Variants in RBFOX3 observed in about 807,000 individuals in gnomAD.
The protein encoded by RBFOX3 is RNA binding fox-1 homolog 3.
Under a neutral mutation model 48.7 loss-of-function variants are expected in RBFOX3, and 17 were observed. That is an observed-to-expected ratio of 0.35 (90% CI 0.24 to 0.52). The LOEUF (loss-of-function observed/expected upper bound fraction) is 0.52. RBFOX3 is among the 20% of genes least tolerant of loss of function. The probability of loss-of-function intolerance (pLI) is 0.94; values close to 1 mark genes in which losing one functional copy is unlikely to be tolerated. For missense variants in RBFOX3, 382 were observed against 497.5 expected (o/e 0.77, Z 2.21); for synonymous variants, 212 against 209.5 (o/e 1.01, Z -0.10).
chr17:79,599,198 C>T (rs911251171), intron 1 of RBFOX3: 1 of 152,328 alleles, frequency 6.6e-6, no homozygotes, highest in East Asian at 1.9e-4. Flanking sequence ...GCTACCCCTG[C>T]GAACATACTA....
At chr17:79,373,624 C>T (rs116545433) in intron 2 of RBFOX3, among the ~76,000 whole-genome samples, 2,405 of 150,096 alleles carry the variant, frequency 0.016, 20 homozygotes, top group Non-Finnish European at 0.022. Context: ...GGTTTTACAG[C>T]CCACACTGGA....
At chr17:79,394,400 G>A (rs1475029340) in intron 2 of RBFOX3, among the ~76,000 whole-genome samples, 1 of 152,200 alleles carries the variant, frequency 6.6e-6, no homozygotes, top group Non-Finnish European at 1.5e-5. Flanking sequence ...GGTCTCCAGG[G>A]CCCTCTGAGT....
intron 2 of RBFOX3, among the ~76,000 whole-genome samples, chr17:79,330,643 G>T (rs905047778): frequency 3.3e-5 from 5 of 152,136 alleles, no homozygotes; most frequent in Non-Finnish European, 5.9e-5. Flanking sequence ...ACTCTCACCA[G>T]TTTCTGGCTC....
At chr17:79,524,106 T>TGAGG (rs1373159163) in intron 1 of RBFOX3, among the ~76,000 whole-genome samples, 2 of 152,324 alleles carry the variant, frequency 1.3e-5, no homozygotes, top group East Asian at 3.9e-4. Flanking sequence ...ATTCTATGAT[T>TGAGG]GAGGACCTTT....
the RBFOX3 span, among the ~76,000 whole-genome samples, chr17:79,631,305 T>C: frequency 6.6e-6 from 1 of 152,028 alleles, no homozygotes; most frequent in South Asian, 2.1e-4. Context: ...AAACACTCTA[T>C]AGATGCCCCC....
intron 1 of RBFOX3, among the ~76,000 whole-genome samples, chr17:79,513,056 C>T (rs1411612414): frequency 6.6e-6 from 1 of 150,664 alleles, no homozygotes; most frequent in Non-Finnish European, 1.5e-5. Context: ...GGCCCCATGG[C>T]CAGGGGACAC....
chr17:79,624,764 T>C, the RBFOX3 span, among the ~76,000 whole-genome samples: 3 of 152,082 alleles, frequency 2.0e-5, no homozygotes, highest in African/African-American at 7.2e-5. Flanking sequence ...GCCTCTCCCA[T>C]GTCACTGAGG....
chr17:79,125,538 C>T (rs1166594269), intron 4 of RBFOX3, among the ~76,000 whole-genome samples: 2 of 152,246 alleles, frequency 1.3e-5, no homozygotes, highest in African/African-American at 4.8e-5. Context: ...TGTGGGACAA[C>T]GGGCCGGCAG....
At position 79,103,702 on chromosome 17, in the gene RBFOX3, T is replaced by C. The variant is rs959334680; in HGVS notation, c.414+371A>G. On this transcript the variant is annotated intron_variant, in intron 7 of 14. Transcript: ENST00000693108. This position sits in a 1 kb window ranked among gnomAD's most constrained non-coding sequence, Gnocchi z 6.1. ...GGGTCGTGCCTTCCTGGAAGGGGAG[T>C]AGGGCTTGTCTCCGCCGGACACCCT... 6.0e-5 allele frequency among the ~76,000 whole-genome samples: 9 copies of C among 151,206 alleles called. No homozygotes were observed. Among genetic ancestry groups the C allele is most frequent in the African/African-American group, 2.2e-4 (9 of 41,050 alleles).
chr17:79,466,024 A>G (rs2076269527), intron 2 of RBFOX3, among the ~76,000 whole-genome samples: 1 of 152,184 alleles, frequency 6.6e-6, no homozygotes, highest in Admixed American at 6.5e-5. Flanking sequence ...TCGTCTCCAT[A>G]TCCACATCCA....
chr17:79,629,638 T>C, the RBFOX3 span, among the ~76,000 whole-genome samples: 19 of 152,294 alleles, frequency 1.2e-4, no homozygotes, highest in Admixed American at 7.8e-4. Flanking sequence ...ATTCCACTTA[T>C]AGGAATTTAC....
Position 79,090,611 on chromosome 17 carries a change from C to T in RBFOX3, c.*272G>A, listed in dbSNP as rs539956849. 3.9e-5 allele frequency: 18 copies of T among 464,006 alleles called. No homozygotes were observed. The highest frequency in any genetic ancestry group is 2.0e-4 in the African/African-American group (10 of 49,696). The allele number at this position is 464,006 out of a possible 1,614,324, so 28.7% of individuals were successfully genotyped here. A position where few individuals can be genotyped will look rare whatever the true frequency, so the allele number is the denominator to read the frequency against. ...CCTCCAACTCCCCCACTGCCTGAGA[C>T]GGAGGGGCGTGTTCCCACTGTGCTG... On this transcript the variant is annotated 3_prime_UTR_variant, in exon 15 of 15. Transcript: ENST00000693108.
chr17:79,150,420 C>A lies in RBFOX3; in HGVS notation c.-33-34672G>T, dbSNP rs568282270. On this transcript the variant is annotated intron_variant, in intron 4 of 14. Transcript: ENST00000693108. The stretch of plus-strand genomic sequence containing the variant: ...CAACCCCCTAACTCAGCTCCATCCG[C>A]AACCCCCATACCCTGTTCCCCAGCC... Among the ~76,000 whole-genome samples the A allele has an allele frequency of 6.6e-5, 10 of 152,234 alleles. No homozygotes were observed. The South Asian group carries it at 1.7e-3, about 25-fold the overall frequency.
At chr17:79,614,903 G>A (rs938343321), upstream of RBFOX3, among the ~76,000 whole-genome samples, 6 of 152,024 alleles carry the variant, frequency 3.9e-5, no homozygotes, top group East Asian at 5.8e-4. Flanking sequence ...TTCTAACCCC[G>A]ACCCCCATAG....
chr17:79,573,974 G>A (rs1041857987), intron 1 of RBFOX3, among the ~76,000 whole-genome samples: 3 of 152,190 alleles, frequency 2.0e-5, no homozygotes, highest in East Asian at 1.9e-4. Context: ...AAACTCCAGC[G>A]TCTCCACCCA....
intron 2 of RBFOX3, among the ~76,000 whole-genome samples, chr17:79,429,127 A>T (rs2067954953): frequency 6.6e-6 from 1 of 152,228 alleles, no homozygotes; most frequent in Non-Finnish European, 1.5e-5. Context: ...CGTGCTGTGC[A>T]CACGTGTGCA....
At chr17:79,183,475 CTCT>C (rs989814147) in intron 4 of RBFOX3, 3 of 152,106 alleles carry the variant, frequency 2.0e-5, no homozygotes, top group African/African-American at 4.8e-5. Flanking sequence ...CCTCCTCCTC[CTCT>C]GGGCCTCCCC....
chr17:79,369,510 C>T (rs938326044), intron 2 of RBFOX3, among the ~76,000 whole-genome samples: 3 of 152,174 alleles, frequency 2.0e-5, no homozygotes, highest in Admixed American at 1.3e-4. Flanking sequence ...ACCAGGCATA[C>T]ACAAGGCGCC....
intron 4 of RBFOX3, among the ~76,000 whole-genome samples, chr17:79,154,994 G>A (rs1352006734): frequency 6.8e-6 from 1 of 147,018 alleles, no homozygotes; most frequent in African/African-American, 2.5e-5. Context: ...GGCGTCTGAG[G>A]AAGGGGTGGC....
Sources: allele counts gnomAD v4.1 joint callset (sites outside exome capture counted in the v4.1 genomes callset), GRCh38; gene constraint gnomAD v4.1.1; non-coding constraint Gnocchi (gnomAD v3.1); transcripts MANE v1.5; gene names NCBI Gene and HGNC (gene_info 2026-07-23, HGNC 2026-07-21).